EPB41L5: variants seen among roughly 807,000 people sequenced by gnomAD.
The protein encoded by EPB41L5 is erythrocyte membrane protein band 4.1 like 5, also known as band 4.1-like protein 5.
In EPB41L5, 55 loss-of-function variants were observed where a neutral mutation model predicts 106.6. The ratio of observed to expected loss-of-function variants is 0.52; its 90% CI spans 0.42 to 0.65. The LOEUF (loss-of-function observed/expected upper bound fraction) is 0.65, where lower values mean the gene tolerates loss of function less well. Among genes scored for constraint, EPB41L5 ranks in the 30% least tolerant of loss-of-function variants. The pLI is 0.00. For synonymous variants in EPB41L5, 297 were observed against 306.7 expected (o/e 0.97, Z 0.33); for missense variants, 871 against 882.1 (o/e 0.99, Z 0.16).
intron 15 of EPB41L5, 84 bp downstream of exon 15, chr2:120,100,370 G>T (rs887361466): frequency 1.5e-6 from 2 of 1,316,980 alleles, no homozygotes; most frequent in Admixed American, 1.8e-5. Context: ...TTTCATAGTG[G>T]TGTATGTAAC....
intron 2 of EPB41L5, among the ~76,000 whole-genome samples, chr2:120,027,254 C>T (rs1385301385): frequency 2.6e-5 from 4 of 152,118 alleles, no homozygotes; most frequent in Admixed American, 2.0e-4. Context: ...TTCATATCAG[C>T]ATTATTCATA....
chr2:120,061,577 C>T (rs1681081761), intron 3 of EPB41L5, among the ~76,000 whole-genome samples: 1 of 151,894 alleles, frequency 6.6e-6, no homozygotes, highest in East Asian at 1.9e-4. Flanking sequence ...GTCTCGAGTT[C>T]TTGACCTCAG....
intron 6 of EPB41L5, 79 bp from the exon 7 acceptor site, chr2:120,075,622 A>T: frequency 7.0e-7 from 1 of 1,434,146 alleles, no homozygotes; most frequent in Non-Finnish European, 9.8e-7. Context: ...GGTCAACATA[A>T]AACATGTATT....
At chr2:120,031,540 T>C (rs1169525710) in intron 2 of EPB41L5, among the ~76,000 whole-genome samples, 1 of 152,222 alleles carries the variant, frequency 6.6e-6, no homozygotes, top group Non-Finnish European at 1.5e-5. Context: ...TTCACTTTCC[T>C]GTTTCCAGTT....
intron 20 of EPB41L5, among the ~76,000 whole-genome samples, chr2:120,159,309 G>C (rs1195003306): frequency 6.7e-6 from 1 of 149,914 alleles, no homozygotes; most frequent in Non-Finnish European, 1.5e-5. Context: ...TGTAATCCCA[G>C]CTACTCGGGA....
intron 22 of EPB41L5, among the ~76,000 whole-genome samples, chr2:120,166,487 C>G (rs1277971134): frequency 6.7e-6 from 1 of 149,540 alleles, no homozygotes; most frequent in East Asian, 2.0e-4. Flanking sequence ...TGGAGTCTTG[C>G]TTTTTTGCCA....
intron 3 of EPB41L5, among the ~76,000 whole-genome samples, chr2:120,047,174 G>A (rs1471011115): frequency 6.6e-6 from 1 of 152,206 alleles, no homozygotes; most frequent in Non-Finnish European, 1.5e-5. Flanking sequence ...GAACTTTAAA[G>A]TAGTTTTTTC....
chr2:120,013,934 C>T (rs946558509), intron 1 of EPB41L5, among the ~76,000 whole-genome samples: 1 of 152,240 alleles, frequency 6.6e-6, no homozygotes, highest in African/African-American at 2.4e-5. Flanking sequence ...ACTGCATTAA[C>T]TCAGTTTCTA....
intron 7 of EPB41L5, among the ~76,000 whole-genome samples, chr2:120,076,305 ATTCTT>A (rs561124589): frequency 2.9e-3 from 445 of 151,492 alleles, no homozygotes; most frequent in Non-Finnish European, 5.7e-3. Context: ...ATATCAGTAT[ATTCTT>A]TTGTTTTGTT....
At chr2:120,033,744 T>G (rs1041051983) in intron 2 of EPB41L5, among the ~76,000 whole-genome samples, 4 of 150,850 alleles carry the variant, frequency 2.7e-5, no homozygotes, top group Non-Finnish European at 4.4e-5. Context: ...TTATGGTTTT[T>G]GCAATAGTTT....
chr2:120,110,492 A>T (rs532778664), intron 16 of EPB41L5, among the ~76,000 whole-genome samples: 1 of 152,118 alleles, frequency 6.6e-6, no homozygotes, highest in Non-Finnish European at 1.5e-5. Context: ...TACATATCCA[A>T]CTGCCTATCT....
At chr2:120,071,244 A>C (rs4849815) in intron 3 of EPB41L5, among the ~76,000 whole-genome samples, 96,375 of 152,024 alleles carry the variant, frequency 0.63, 31,968 homozygotes, top group Middle Eastern at 0.74. Context: ...CTACAAAGAG[A>C]ATAAAATACC....
chr2:120,042,995 ATGTGTGTGTGTG>A (rs60253351), intron 3 of EPB41L5, among the ~76,000 whole-genome samples: 4,508 of 69,940 alleles, frequency 0.064, 83 homozygotes, highest in Middle Eastern at 0.12. Context: ...TTTTCTGGAA[ATGTGTGTGTGTG>A]TGTGTGTGTG....
intron 3 of EPB41L5, among the ~76,000 whole-genome samples, chr2:120,052,176 C>G (rs1680332152): frequency 6.6e-6 from 1 of 152,150 alleles, no homozygotes. Context: ...ACCTGGAGTA[C>G]TGCGGTTTCC....
chr2:120,170,069 A>G (rs1687604855), intron 24 of EPB41L5, among the ~76,000 whole-genome samples: 1 of 152,264 alleles, frequency 6.6e-6, no homozygotes, highest in Non-Finnish European at 1.5e-5. Context: ...AAAGACATGT[A>G]CAAGAATTTT....
chr2:120,096,682 C>A (rs1246755603), intron 14 of EPB41L5, among the ~76,000 whole-genome samples: 3 of 152,104 alleles, frequency 2.0e-5, no homozygotes, highest in African/African-American at 7.2e-5. Flanking sequence ...CCCAGCTACT[C>A]TGGAGGCTGA....
chr2:120,078,989 T>G (rs747192276), intron 10 of EPB41L5, among the ~76,000 whole-genome samples: 7 of 152,232 alleles, frequency 4.6e-5, no homozygotes, highest in Non-Finnish European at 8.8e-5. Context: ...CTCCTTATAC[T>G]GTTCCAGCTT....
At chr2:120,068,925 C>T (rs1417004300) in intron 3 of EPB41L5, among the ~76,000 whole-genome samples, 3 of 151,322 alleles carry the variant, frequency 2.0e-5, no homozygotes, top group Admixed American at 6.6e-5. Context: ...GCTGGGAGTT[C>T]GAGACCAGCC....
chr2:120,166,205 T>C (rs1257511145), intron 22 of EPB41L5, among the ~76,000 whole-genome samples: 1 of 152,062 alleles, frequency 6.6e-6, no homozygotes, highest in Admixed American at 6.6e-5. Flanking sequence ...TTTTGGTATA[T>C]CTTGGGTGGG....
Sources: allele counts gnomAD v4.1 joint callset (sites outside exome capture counted in the v4.1 genomes callset), GRCh38; gene constraint gnomAD v4.1.1; transcripts MANE v1.5; gene names NCBI Gene and HGNC (gene_info 2026-07-23, HGNC 2026-07-21).